The following KCNN2 variants were observed in gnomAD, a reference collection of about 807,000 sequenced individuals.
KCNN2 encodes small conductance calcium-activated potassium channel protein 2.
In KCNN2, 24 loss-of-function variants were observed where a neutral mutation model predicts 55.5. The observed-to-expected ratio is 0.43, with a 90% confidence interval of 0.31 to 0.61. The LOEUF is 0.61. Among genes scored for constraint, KCNN2 ranks in the 20% least tolerant of loss-of-function variants. The probability of loss-of-function intolerance (pLI) is 0.08; values close to 1 mark genes in which losing one functional copy is unlikely to be tolerated. For missense variants in KCNN2, 754 were observed against 853.6 expected (o/e 0.88, Z 1.45); for synonymous variants, 431 against 336.1 (o/e 1.28, Z -3.09).
At chr5:114,493,594 A>C (rs770049324) in intron 7 of KCNN2, 122 bp downstream of exon 7, 59 of 694,106 alleles carry the variant, frequency 8.5e-5, no homozygotes, top group Non-Finnish European at 1.3e-4. Flanking sequence ...CAAACCAGCA[A>C]AGCACCCTAA....
intron 2 of KCNN2, among the ~76,000 whole-genome samples, chr5:114,371,849 G>A (rs982913396): frequency 7.2e-5 from 11 of 152,112 alleles, no homozygotes; most frequent in African/African-American, 2.4e-4. Context: ...CTTTCAGATA[G>A]GATCTTCCAG....
intron 3 of KCNN2, among the ~76,000 whole-genome samples, chr5:114,429,558 T>C (rs1374259668): frequency 6.6e-6 from 1 of 152,128 alleles, no homozygotes; most frequent in African/African-American, 2.4e-5. Context: ...ACTCCCAGTC[T>C]GTGGCTTGTA....
intron 1 of KCNN2, among the ~76,000 whole-genome samples, chr5:114,162,931 C>T (rs115881157): frequency 6.6e-6 from 1 of 152,142 alleles, no homozygotes; most frequent in Non-Finnish European, 1.5e-5. Context: ...AAGGGACTTC[C>T]CTGCCCCCTT....
chr5:114,121,713 A>G (rs1751833255), intron 1 of KCNN2, among the ~76,000 whole-genome samples: 1 of 152,184 alleles, frequency 6.6e-6, no homozygotes, highest in Non-Finnish European at 1.5e-5. Context: ...GGGTCCTCCC[A>G]GCTGATATCC....
chr5:114,384,431 T>C (rs1414717818), intron 2 of KCNN2, among the ~76,000 whole-genome samples: 1 of 152,180 alleles, frequency 6.6e-6, no homozygotes, highest in African/African-American at 2.4e-5. Context: ...CAATTACCCA[T>C]GAAAGTGAAG....
intron 3 of KCNN2, among the ~76,000 whole-genome samples, chr5:114,434,838 G>A (rs1048595439): frequency 6.6e-6 from 1 of 152,138 alleles, no homozygotes; most frequent in African/African-American, 2.4e-5. Flanking sequence ...GGGGGAGATG[G>A]GGAATGGGGT....
chr5:114,341,133 A>G (rs577604088), intron 2 of KCNN2, among the ~76,000 whole-genome samples: 1 of 152,316 alleles, frequency 6.6e-6, no homozygotes, highest in Admixed American at 6.5e-5. Context: ...TGTTATGAAT[A>G]ATGCCTTCAT....
intron 7 of KCNN2, 108 bp downstream of exon 7, chr5:114,493,580 A>C: frequency 2.6e-6 from 2 of 761,304 alleles, no homozygotes; most frequent in South Asian, 1.5e-5. Context: ...TCTAATTAAT[A>C]AATCAAACCA....
chr5:114,355,482 C>T (rs572490574), intron 2 of KCNN2, among the ~76,000 whole-genome samples: 1 of 152,148 alleles, frequency 6.6e-6, no homozygotes, highest in Admixed American at 6.5e-5. Context: ...AAGCTTTCAC[C>T]TCAGTATTTA....
At chr5:114,290,006 C>T (rs1263455721) in intron 2 of KCNN2, among the ~76,000 whole-genome samples, 8 of 152,068 alleles carry the variant, frequency 5.3e-5, no homozygotes. Flanking sequence ...CTGTGTTTTG[C>T]TCTTGTACCC....
intron 2 of KCNN2, among the ~76,000 whole-genome samples, chr5:114,223,199 CA>C (rs1367729352): frequency 6.6e-6 from 1 of 152,088 alleles, no homozygotes; most frequent in South Asian, 2.1e-4. Context: ...CATCGTTTGA[CA>C]CTAACAGTTT....
chr5:114,427,086 C>T (rs1330649250), intron 3 of KCNN2, among the ~76,000 whole-genome samples: 3 of 152,144 alleles, frequency 2.0e-5, no homozygotes, highest in African/African-American at 2.4e-5. Context: ...CACCTGGAGT[C>T]ATCTCCATCC....
upstream of KCNN2, among the ~76,000 whole-genome samples, chr5:114,359,443 T>C (rs114990317): frequency 6.4e-3 from 975 of 152,314 alleles, 9 homozygotes; most frequent in African/African-American, 0.022. Context: ...AGCATAGAGA[T>C]ATACATGGCA....
chr5:114,488,758 A>G (rs954889349), intron 6 of KCNN2, among the ~76,000 whole-genome samples: 1 of 152,130 alleles, frequency 6.6e-6, no homozygotes, highest in East Asian at 1.9e-4. Flanking sequence ...CTAAAACCAT[A>G]CTACACAGTA....
At chr5:114,146,577 G>A (rs1031710662) in intron 1 of KCNN2, among the ~76,000 whole-genome samples, 20 of 152,124 alleles carry the variant, frequency 1.3e-4, no homozygotes, top group South Asian at 8.3e-4. Context: ...TGACATGCAC[G>A]TAAGCTAATT....
At chr5:114,315,745 C>A (rs554699824) in intron 2 of KCNN2, among the ~76,000 whole-genome samples, 2 of 152,022 alleles carry the variant, frequency 1.3e-5, no homozygotes, top group Admixed American at 1.3e-4. Flanking sequence ...AATAGAGTAA[C>A]CCTGTTAACA....
At chr5:114,280,793 T>A (rs565624738) in intron 2 of KCNN2, among the ~76,000 whole-genome samples, 1 of 152,152 alleles carries the variant, frequency 6.6e-6, no homozygotes, top group South Asian at 2.1e-4. Context: ...ATTAATTCCA[T>A]GGTTCAAGCT....
chr5:114,295,796 C>G (rs1168478237), intron 2 of KCNN2, among the ~76,000 whole-genome samples: 1 of 152,194 alleles, frequency 6.6e-6, no homozygotes, highest in Non-Finnish European at 1.5e-5. Context: ...CTGTGTCGCT[C>G]ACACTGGGAG....
At chr5:114,483,811 C>G (rs573948641) in intron 5 of KCNN2, among the ~76,000 whole-genome samples, 1 of 151,688 alleles carries the variant, frequency 6.6e-6, no homozygotes, top group Non-Finnish European at 1.5e-5. Context: ...CAGAAAATGA[C>G]TTTTATTTCA....
Sources: allele counts gnomAD v4.1 joint callset (sites outside exome capture counted in the v4.1 genomes callset), GRCh38; gene constraint gnomAD v4.1.1; transcripts MANE v1.5; gene names NCBI Gene and HGNC (gene_info 2026-07-23, HGNC 2026-07-21).